The following CERS4 variants were observed in gnomAD, a reference collection of about 807,000 sequenced individuals.
CERS4 encodes ceramide synthase 4, also known as LAG1 homolog, ceramide synthase 4.
In CERS4, 65 loss-of-function variants were observed where a neutral mutation model predicts 51.8. That is an observed-to-expected ratio of 1.26 (90% CI 1.03 to 1.54). The LOEUF is 1.54. CERS4 is among the 40% of genes most tolerant of loss of function. The pLI, the probability that CERS4 is intolerant of heterozygous loss-of-function variation, is 0.00. For synonymous variants in CERS4, 228 were observed against 208.4 expected, an observed-to-expected ratio of 1.09 and a Z score of -0.81; for missense variants, 563 against 500.4, an observed-to-expected ratio of 1.13 and a Z score of -1.19.
chr19:8,248,240 G>C (rs190907226), intron 2 of CERS4, among the ~76,000 whole-genome samples: 1 of 152,184 alleles, frequency 6.6e-6, no homozygotes, highest in African/African-American at 2.4e-5. Context: ...TTATTCCCCT[G>C]CTGTGTCGCC....
intron 3 of CERS4, among the ~76,000 whole-genome samples, chr19:8,253,122 A>C (rs1969173966): frequency 6.6e-6 from 1 of 152,244 alleles, no homozygotes; most frequent in African/African-American, 2.4e-5. Flanking sequence ...GCAGGATGTT[A>C]GGAGGGATGG....
At chr19:8,253,242 G>A (rs1039998496) in intron 3 of CERS4, among the ~76,000 whole-genome samples, 22 of 151,090 alleles carry the variant, frequency 1.5e-4, no homozygotes, top group African/African-American at 4.7e-4. Flanking sequence ...AATGGGGGAT[G>A]CTGGGAGGAG....
chr19:8,245,706 A>G lies in CERS4; in HGVS notation c.-1-5370A>G, dbSNP rs924936504. On this transcript the variant is annotated intron_variant, in intron 2 of 11. Transcript: ENST00000251363. ...AGGTGCCCACCACCACCCCTGGCTA[A>G]TTTTTGTATTTTTAGTAGAGACGGG... is the stretch of plus-strand genomic sequence containing the variant. Among the ~76,000 whole-genome samples, 6 of 151,186 alleles carry G rather than the reference A, an allele frequency of 4.0e-5. No individual in the cohort carries two copies. The East Asian group carries it at 5.9e-4, about 15-fold the overall frequency.
chr19:8,255,911 C>G, intron 6 of CERS4, 32 bp downstream of exon 6: 1 of 1,608,842 alleles, frequency 6.2e-7, no homozygotes. Context: ...TGACTGCTCA[C>G]CTGCCCCATC....
At chr19:8,250,194 C>CA (rs34280048) in intron 2 of CERS4, among the ~76,000 whole-genome samples, 7,021 of 151,740 alleles carry the variant, frequency 0.046, 219 homozygotes, top group African/African-American at 0.073. Flanking sequence ...AGGCTGGTCT[C>CA]AAACTCCTGA....
rs1404424840 is a variant in CERS4 at position 8,255,600 on chromosome 19, T to C, written c.292-7T>C. 6.2e-7 allele frequency: 1 copy of C among 1,607,424 alleles called. No individual in the cohort carries two copies. Among genetic ancestry groups the C allele is most frequent in the East Asian group, 2.2e-5 (1 of 44,850 alleles). On this transcript the variant is annotated splice_region_variant and splice_polypyrimidine_tract_variant and intron_variant, in intron 4 of 11. Coordinates refer to ENST00000251363, the MANE Select transcript of CERS4 (RefSeq NM_024552.3). ...TGTGACCCTTGTCCTCATCACCCCC[T>C]CCCCAGCCCCAGCTGTCTCTCCTGG...
In CERS4 at chr19:8,262,101, G is replaced by A. The variant is rs1437908899; in HGVS notation, c.1177G>A (p.Ala393Thr). ...GCGTCTGACCAACAGGCACACAACA[G>A]CCACATAGCCGGGCGGGGCTGGCTG... ...AGRLTNRHTT[A>T]T The change falls in exon 12 of 12, where the codon GCC becomes ACC. Residue 393 changes from alanine (A) to threonine (T), a missense_variant. By Grantham distance (58) the Ala-to-Thr change is moderately conservative. Coordinates refer to ENST00000251363, the MANE Select transcript of CERS4 (RefSeq NM_024552.3). 1.3e-6 allele frequency: 2 copies of A among 1,487,028 alleles called. No individual in the cohort carries two copies. Among genetic ancestry groups the A allele is most frequent in the Non-Finnish European group, 1.8e-6 (2 of 1,122,638 alleles). The allele number at this position is 1,487,028 out of a possible 1,614,324, so 92.1% of individuals were successfully genotyped here.
At chr19:8,256,169 G>A in intron 6 of CERS4, 67 bp from the exon 7 acceptor site, 6 of 1,509,144 alleles carry the variant, frequency 4.0e-6, no homozygotes, top group African/African-American at 1.4e-5. Context: ...GAACCAAAGA[G>A]ACCGCAGACC....
intron 10 of CERS4, chr19:8,260,968 A>AAAAAAC (rs1969662297): frequency 6.8e-6 from 1 of 147,658 alleles, no homozygotes; most frequent in Non-Finnish European, 1.5e-5. Flanking sequence ...AAAAAAAAAA[A>AAAAAAC]AAAAAAAAAC....
chr19:8,245,237 A>AT (rs1968729019), intron 2 of CERS4, among the ~76,000 whole-genome samples: 2 of 149,820 alleles, frequency 1.3e-5, no homozygotes, highest in Non-Finnish European at 3.0e-5. Flanking sequence ...TTATTTATAT[A>AT]TTTTTATTTT....
intron 2 of CERS4, among the ~76,000 whole-genome samples, chr19:8,236,658 A>G (rs959033019): frequency 2.1e-5 from 3 of 144,274 alleles, no homozygotes; most frequent in Non-Finnish European, 4.5e-5. Context: ...TAGCCTGAGC[A>G]ACAGAACCAG....
intron 2 of CERS4, among the ~76,000 whole-genome samples, chr19:8,215,740 G>A (rs988307997): frequency 6.6e-6 from 1 of 152,088 alleles, no homozygotes; most frequent in African/African-American, 2.4e-5. Context: ...CTCCATCCCC[G>A]TCCAAACTGG....
At chr19:8,247,429 T>G (rs555914984) in intron 2 of CERS4, among the ~76,000 whole-genome samples, 9 of 151,658 alleles carry the variant, frequency 5.9e-5, no homozygotes, top group African/African-American at 2.2e-4. Flanking sequence ...CCTTCTCATC[T>G]TTTTTTTTCT....
rs74176633 is a variant in CERS4 at position 8,254,322 on chromosome 19, C to CAAAAAAAAAAAAA, written c.174-169_174-157dup. ...TGGGTGACAGTGCAATACTCTGTCT[C>CAAAAAAAAAAAAA]AAAAAAAAAAAAAAAAAAAAGTCTT... On this transcript the variant is annotated intron_variant, in intron 3 of 11. Coordinates refer to ENST00000251363, the MANE Select transcript of CERS4 (RefSeq NM_024552.3). 3.1e-4 allele frequency among the ~76,000 whole-genome samples: 12 copies of CAAAAAAAAAAAAA among 38,776 alleles called. 1 individual carries two copies. The highest frequency in any genetic ancestry group is 9.1e-4 in the Admixed American group (2 of 2,192). The allele number at this position is 38,776 out of a possible 152,430, so 25.4% of individuals were successfully genotyped here. A position where few individuals can be genotyped will look rare whatever the true frequency, so the allele number is the denominator to read the frequency against.
intron 10 of CERS4, among the ~76,000 whole-genome samples, chr19:8,259,899 A>C (rs1208292631): frequency 6.6e-6 from 1 of 152,056 alleles, no homozygotes; most frequent in Non-Finnish European, 1.5e-5. Flanking sequence ...TCGAGAGAGG[A>C]AGAACAGGGC....
intron 2 of CERS4, among the ~76,000 whole-genome samples, chr19:8,245,343 T>C (rs1968732656): frequency 6.6e-6 from 1 of 152,016 alleles, no homozygotes; most frequent in African/African-American, 2.4e-5. Flanking sequence ...CCCAAACTCT[T>C]GGGCTTAAGC....
At chr19:8,252,425 C>T (rs1969134686) in intron 3 of CERS4, among the ~76,000 whole-genome samples, 1 of 120,856 alleles carries the variant, frequency 8.3e-6, no homozygotes. Flanking sequence ...TGTAGGCATG[C>T]CACCATGGCT....
Position 8,210,875 on chromosome 19 carries a change from T to TG in CERS4, c.-2+17dup, listed in dbSNP as rs1192184144. On this transcript the variant is annotated intron_variant, in intron 2 of 11. Transcript: ENST00000251363. This position sits in a 1 kb window ranked among gnomAD's most constrained non-coding sequence, Gnocchi z 4.2. The stretch of plus-strand genomic sequence containing the variant: ...ACTGCCAGCAGAGGTACTTTGAGCC[T>TG]GGGGTGTGGGGGGTGGGGGGCGGCC... 6.7e-6 allele frequency: 1 copy of TG among 148,914 alleles called. No homozygotes were observed. Among genetic ancestry groups the TG allele is most frequent in the African/African-American group, 2.4e-5 (1 of 40,938 alleles). 9.2% of individuals were successfully genotyped at this position (148,914 alleles called of 1,614,324 possible).
At chr19:8,226,674 C>T (rs1032800966) in intron 2 of CERS4, among the ~76,000 whole-genome samples, 3 of 151,546 alleles carry the variant, frequency 2.0e-5, no homozygotes, top group Admixed American at 6.6e-5. Context: ...GGAAGGCCGA[C>T]GTGGGCAGAT....
Sources: allele counts gnomAD v4.1 joint callset (sites outside exome capture counted in the v4.1 genomes callset), GRCh38; gene constraint gnomAD v4.1.1; non-coding constraint Gnocchi (gnomAD v3.1); transcripts MANE v1.5; gene names NCBI Gene and HGNC (gene_info 2026-07-23, HGNC 2026-07-21).